PRRC2B: variants seen among roughly 807,000 people sequenced by gnomAD.
The protein encoded by PRRC2B is proline rich coiled-coil 2B, also known as protein PRRC2B.
A neutral mutation model predicts 242.3 loss-of-function variants in PRRC2B; 68 were observed. The ratio of observed to expected loss-of-function variants is 0.28; its 90% CI spans 0.23 to 0.34. PRRC2B has a LOEUF of 0.34. PRRC2B is among the 10% of genes least tolerant of loss of function. PRRC2B has a pLI of 1.00. For synonymous variants in PRRC2B, 1,228 were observed against 1,173.6 expected, an observed-to-expected ratio of 1.05 and a Z score of -0.95; for missense variants, 2,835 against 2,954.8, an observed-to-expected ratio of 0.96 and a Z score of 0.94.
chr9:131,408,334 A>T (rs1474981851), intron 1 of PRRC2B, among the ~76,000 whole-genome samples: 1 of 152,194 alleles, frequency 6.6e-6, no homozygotes, highest in Non-Finnish European at 1.5e-5. Flanking sequence ...GCATGTAAAG[A>T]TACATGTACT....
chr9:131,466,895 G>A (rs1485961965), intron 12 of PRRC2B, among the ~76,000 whole-genome samples: 1 of 151,846 alleles, frequency 6.6e-6, no homozygotes, highest in Non-Finnish European at 1.5e-5. Flanking sequence ...TCCACCTCCT[G>A]GGTTCATGCC....
intron 1 of PRRC2B, among the ~76,000 whole-genome samples, chr9:131,404,556 C>T (rs1036439818): frequency 6.6e-4 from 100 of 150,848 alleles, no homozygotes; most frequent in African/African-American, 2.4e-3. Flanking sequence ...ATTCAAGTTG[C>T]TCAGGGAGGT....
In PRRC2B at chr9:131,447,215, A is replaced by C. The variant is rs769246056; in HGVS notation, c.977+9A>C. 6.2e-7 allele frequency: 1 copy of C among 1,613,920 alleles called. No homozygotes were observed. The highest frequency in any genetic ancestry group is 8.5e-7 in the Non-Finnish European group (1 of 1,179,882). On this transcript the variant is annotated intron_variant, in intron 8 of 31. Coordinates refer to ENST00000683519, the MANE Select transcript of PRRC2B (RefSeq NM_013318.4). ...ATGAATGACCAAGACGGGTGAGTCC[A>C]TTGCATTACAGTCACGTGTGTAGAG...
chr9:131,387,600 C>A (rs2131267666), intron 1 of PRRC2B, among the ~76,000 whole-genome samples: 1 of 150,258 alleles, frequency 6.7e-6, no homozygotes, highest in Middle Eastern at 3.4e-3. Flanking sequence ...GGATTTGCAT[C>A]AAATAAGACA....
intron 1 of PRRC2B, among the ~76,000 whole-genome samples, chr9:131,382,343 C>A (rs1191944464): frequency 6.6e-6 from 1 of 152,074 alleles, no homozygotes; most frequent in Non-Finnish European, 1.5e-5. Flanking sequence ...AAATCTTACC[C>A]TCATTTGTTC....
chr9:131,381,247 A>C (rs1836755934), intron 1 of PRRC2B, among the ~76,000 whole-genome samples: 1 of 152,160 alleles, frequency 6.6e-6, no homozygotes, highest in Admixed American at 6.6e-5. Flanking sequence ...TGCCATGGGC[A>C]CAGAAAGGGA....
At chr9:131,402,747 T>C (rs1837258090) in intron 1 of PRRC2B, among the ~76,000 whole-genome samples, 1 of 152,198 alleles carries the variant, frequency 6.6e-6, no homozygotes, top group Non-Finnish European at 1.5e-5. Context: ...TTGAAAATAG[T>C]GTGCTGAGCC....
intron 10 of PRRC2B, among the ~76,000 whole-genome samples, chr9:131,455,553 G>A (rs1049368503): frequency 3.2e-5 from 4 of 124,600 alleles, no homozygotes; most frequent in Admixed American, 3.1e-4. Context: ...CTCTCACTCT[G>A]TCACCCAGGC....
At chr9:131,409,921 A>C (rs913138072) in intron 1 of PRRC2B, among the ~76,000 whole-genome samples, 1 of 152,260 alleles carries the variant, frequency 6.6e-6, no homozygotes, top group Non-Finnish European at 1.5e-5. Context: ...TTGCATTTGC[A>C]GAGTACTTCT....
At chr9:131,455,510 CTTTTTT>C (rs148974781) in intron 10 of PRRC2B, among the ~76,000 whole-genome samples, 18 of 86,984 alleles carry the variant, frequency 2.1e-4, no homozygotes, top group Admixed American at 4.0e-4. Flanking sequence ...GGTTCAACTT[CTTTTTT>C]TTTTTTTTTT....
chr9:131,467,053 G>C (rs924803569), intron 12 of PRRC2B, among the ~76,000 whole-genome samples: 1 of 151,382 alleles, frequency 6.6e-6, no homozygotes, highest in Non-Finnish European at 1.5e-5. Context: ...CATCCGCCTC[G>C]GCCTCCCAAA....
rs1387343466 is a variant in PRRC2B at position 131,477,903 on chromosome 9, A to C, written c.4566A>C (p.Ala1522=). ...EKEAKLAAPR[A]GEQGEAMKQF... is the part of the protein sequence containing the mutation. Reference sequence around the variant, plus strand: ...AGGCCAAGTTGGCTGCTCCGAGGGCAGGTGAACAGGGAGAGGCCATGAAAC... The same window carrying C: ...AGGCCAAGTTGGCTGCTCCGAGGGCCGGTGAACAGGGAGAGGCCATGAAAC... Residue 1522 remains alanine (A), a synonymous_variant, in exon 17 of 32, where the codon GCA becomes GCC. Coordinates refer to ENST00000683519, the MANE Select transcript of PRRC2B (RefSeq NM_013318.4). 6.2e-7 allele frequency: 1 copy of C among 1,614,066 alleles called. No individual in the cohort carries two copies. Among genetic ancestry groups the C allele is most frequent in the South Asian group, 1.1e-5 (1 of 91,092 alleles).
At chr9:131,414,284 T>C (rs1837582325) in intron 1 of PRRC2B, among the ~76,000 whole-genome samples, 3 of 150,504 alleles carry the variant, frequency 2.0e-5, no homozygotes, top group South Asian at 4.2e-4. Flanking sequence ...GATGTAAACA[T>C]GAAAGATAAA....
intron 9 of PRRC2B, among the ~76,000 whole-genome samples, chr9:131,453,052 G>A (rs1329070774): frequency 6.6e-6 from 1 of 152,286 alleles, no homozygotes; most frequent in East Asian, 1.9e-4. Flanking sequence ...GGATTTATCT[G>A]TTCCTCCCTT....
chr9:131,482,607 G>C lies in PRRC2B; in HGVS notation c.5175+45G>C. 3 of 1,548,082 alleles carry C rather than the reference G, an allele frequency of 1.9e-6. No homozygotes were observed. The highest frequency in any genetic ancestry group is 2.6e-6 in the Non-Finnish European group (3 of 1,143,226). ...CACAGTGGCCAGGGCCTGGGTGGAA[G>C]GGGCCATCGTCTCATCATCTTCCTC... is the stretch of plus-strand genomic sequence containing the variant. On this transcript the variant is annotated intron_variant, in intron 21 of 31. Coordinates refer to ENST00000683519, the MANE Select transcript of PRRC2B (RefSeq NM_013318.4). The surrounding 1 kb of genome is among the most constrained non-coding windows in gnomAD (Gnocchi z 5.2).
chr9:131,378,579 T>A (rs1836715255), intron 1 of PRRC2B, among the ~76,000 whole-genome samples: 1 of 152,140 alleles, frequency 6.6e-6, no homozygotes, highest in South Asian at 2.1e-4. Context: ...TCAGCCTCCA[T>A]CCCAGCCCTG....
chr9:131,419,985 C>A (rs1837758213), intron 1 of PRRC2B, among the ~76,000 whole-genome samples: 1 of 152,104 alleles, frequency 6.6e-6, no homozygotes. Context: ...GTGGTTCCGG[C>A]AAGGGGCTTG....
rs1156382257 is a variant in PRRC2B at position 131,430,038 on chromosome 9, ACTCTTTTTTTTTTTTCTCT to A, written c.-51-40_-51-22del. ...GGATCAGAGGTTCTGCTGTAGTGAC[ACTCTTTTTTTTTTTTCTCT>A]CTCTTTTTTTTTTTTTCTTCTCTAT... On this transcript the variant is annotated intron_variant, in intron 1 of 31. Coordinates refer to ENST00000683519, the MANE Select transcript of PRRC2B (RefSeq NM_013318.4). The A allele has an allele frequency of 3.4e-5, 22 of 647,182 alleles. No individual in the cohort carries two copies. The Admixed American group carries it at 3.7e-4, about 11-fold the overall frequency. The allele number at this position is 647,182 out of a possible 1,614,324, so 40.1% of individuals were successfully genotyped here.
At position 131,476,289 on chromosome 9, in the gene PRRC2B, G is replaced by A. The variant is rs552794439; in HGVS notation, c.4160G>A (p.Arg1387Gln). The A allele has an allele frequency of 8.2e-6, 13 of 1,587,500 alleles. No homozygotes were observed. The Admixed American group carries it at 9.0e-5, about 11-fold the overall frequency. The change falls in exon 16 of 32, where the codon CGG becomes CAG. Residue 1387 changes from arginine (R) to glutamine (Q), a missense_variant. Transcript: ENST00000683519. The part of the protein sequence containing the change: ...ASESSDFSER[R>Q]ERREGPGSEP... The stretch of plus-strand genomic sequence containing the variant: ...GAAAGCAGCGACTTCAGCGAGCGGC[G>A]GGAGCGGCGGGAAGGCCCTGGGTCC...
Sources: allele counts gnomAD v4.1 joint callset (sites outside exome capture counted in the v4.1 genomes callset), GRCh38; gene constraint gnomAD v4.1.1; non-coding constraint Gnocchi (gnomAD v3.1); transcripts MANE v1.5; gene names NCBI Gene and HGNC (gene_info 2026-07-23, HGNC 2026-07-21).